Variants in SIGLEC9 observed in about 807,000 individuals in gnomAD.
The protein encoded by SIGLEC9 is sialic acid-binding Ig-like lectin 9.
SIGLEC9 carries 26 observed loss-of-function variants against 38.3 expected under a neutral mutation model. The observed-to-expected ratio is 0.68, with a 90% CI of 0.50 to 0.94. The LOEUF is 0.94. Among genes scored for constraint, SIGLEC9 ranks in the 40% least tolerant of loss-of-function variants. The pLI is 0.00. For missense variants in SIGLEC9, 556 were observed against 585.7 expected (o/e 0.95, Z 0.52); for synonymous variants, 236 against 248.0 (o/e 0.95, Z 0.45).
chr19:51,135,117 G>A (rs2092035660), downstream of SIGLEC9, among the ~76,000 whole-genome samples: 1 of 152,188 alleles, frequency 6.6e-6, no homozygotes, highest in Admixed American at 6.5e-5. Context: ...TATGTTGTTA[G>A]CTGGTTGTTA....
downstream of SIGLEC9, among the ~76,000 whole-genome samples, chr19:51,131,443 G>A (rs374277336): frequency 3.2e-4 from 48 of 151,134 alleles, no homozygotes; most frequent in East Asian, 5.5e-3. Flanking sequence ...AAAATTAGCC[G>A]GGCGTGGTGG....
chr19:51,133,491 C>A (rs2092027817), downstream of SIGLEC9, among the ~76,000 whole-genome samples: 1 of 151,640 alleles, frequency 6.6e-6, no homozygotes, highest in South Asian at 2.1e-4. Flanking sequence ...GAGGCTGAAG[C>A]AGAATTGCTT....
exon 7 of SIGLEC9, chr19:51,136,063 T>C (rs1314649995): frequency 2.8e-6 from 2 of 703,760 alleles, no homozygotes; most frequent in Non-Finnish European, 5.2e-6. Flanking sequence ...CTGAATTCTA[T>C]GTCTATCATT....
At chr19:51,120,581 A>G (rs2091948518), upstream of SIGLEC9, 1 of 152,562 alleles carries the variant, frequency 6.6e-6, no homozygotes, top group South Asian at 2.0e-4. The surrounding 1 kb of genome is among the most constrained non-coding windows in gnomAD (Gnocchi z 4.1). Flanking sequence ...AACCCCACCA[A>G]ATTTCTTCTG....
At chr19:51,120,366 T>C (rs1313785870), upstream of SIGLEC9, 1 of 152,202 alleles carries the variant, frequency 6.6e-6, no homozygotes, top group African/African-American at 2.4e-5. This position sits in a 1 kb window ranked among gnomAD's most constrained non-coding sequence, Gnocchi z 4.1. Context: ...AGGAGCTCTT[T>C]CTCCTCATTC....
chr19:51,128,540 A>G (rs1396362808), intron 6 of SIGLEC9, 30 bp downstream of exon 6: 2 of 1,602,158 alleles, frequency 1.2e-6, no homozygotes, highest in East Asian at 2.2e-5. Context: ...CACAGCCAGC[A>G]TGTAGCCTGG....
intron 6 of SIGLEC9, chr19:51,128,846 A>C (rs1599819322): frequency 7.9e-6 from 2 of 253,728 alleles, no homozygotes; most frequent in South Asian, 4.9e-5. Flanking sequence ...CTGTTCCCCC[A>C]CCCCTCAATA....
At chr19:51,135,715 G>A (rs547913607) in intron 6 of SIGLEC9, among the ~76,000 whole-genome samples, 3 of 152,206 alleles carry the variant, frequency 2.0e-5, no homozygotes, top group East Asian at 1.9e-4. Flanking sequence ...CCAGTGGGCC[G>A]TAGGTTTGGT....
downstream of SIGLEC9, among the ~76,000 whole-genome samples, chr19:51,131,945 G>A (rs2092018027): frequency 6.6e-6 from 1 of 152,054 alleles, no homozygotes; most frequent in Non-Finnish European, 1.5e-5. Flanking sequence ...CCTATGCTAT[G>A]GTTTGGATAT....
chr19:51,123,552 C>A (rs756620714), upstream of SIGLEC9, among the ~76,000 whole-genome samples: 1 of 152,212 alleles, frequency 6.6e-6, no homozygotes. Flanking sequence ...GTATTCACGG[C>A]AACGTGCACA....
At chr19:51,133,870 G>GTT (rs1161428232), downstream of SIGLEC9, among the ~76,000 whole-genome samples, 23 of 152,200 alleles carry the variant, frequency 1.5e-4, no homozygotes, top group African/African-American at 5.5e-4. Context: ...ATGTTTCCAT[G>GTT]TAACGGCATA....
chr19:51,132,470 A>T (rs903467143), downstream of SIGLEC9, among the ~76,000 whole-genome samples: 1 of 152,202 alleles, frequency 6.6e-6, no homozygotes, highest in African/African-American at 2.4e-5. Flanking sequence ...AATGTGTGAT[A>T]AGGAGCGCGG....
At chr19:51,126,050 T>C in intron 2 of SIGLEC9, 31 bp from the exon 3 acceptor site, 1 of 1,611,990 alleles carries the variant, frequency 6.2e-7, no homozygotes, top group Non-Finnish European at 8.5e-7. Context: ...GCCCTCACAG[T>C]GATGCGGGTC....
intron 3 of SIGLEC9, among the ~76,000 whole-genome samples, chr19:51,126,362 C>CACACAGCA (rs1202171910): frequency 6.6e-6 from 1 of 151,808 alleles, no homozygotes; most frequent in East Asian, 1.9e-4. Context: ...GGGTGGCATT[C>CACACAGCA]ACACAGCAGG....
rs1004619036 is a variant in SIGLEC9, at chr19:51,127,202, G to A, written c.921G>A (p.Leu307=). 4.3e-6 allele frequency: 7 copies of A among 1,614,100 alleles called. No individual in the cohort carries two copies. Among genetic ancestry groups the A allele is most frequent in the Non-Finnish European group, 5.9e-6 (7 of 1,180,024 alleles). The change falls in exon 4 of 7, where the codon CTG becomes CTA. Residue 307 remains leucine (L), a synonymous_variant. Transcript: ENST00000250360. ...CCTCAAACCCGGGGGTGCTGGAGCT[G>A]CCTTGGGTGCACCTGAGGGATGCAG... The part of the protein sequence containing the change: ...SQPSNPGVLE[L]PWVHLRDAAE...
rs573020724 is a variant in SIGLEC9, at chr19:51,125,465, G to A, written c.421+70G>A. On this transcript the variant is annotated intron_variant, in intron 1 of 6. Coordinates refer to ENST00000250360, the MANE Select transcript of SIGLEC9 (RefSeq NM_014441.3). ...GGCGGCAGGGAAAGGCTGGGATGGA[G>A]CCCCTGCCCCAGGAGAGGGCTTAGG... The A allele has an allele frequency of 7.7e-4, 1,191 of 1,547,284 alleles. 2 individuals are homozygous for A. Among genetic ancestry groups the A allele is most frequent in the Admixed American group, 2.0e-3 (103 of 50,548 alleles).
upstream of SIGLEC9, among the ~76,000 whole-genome samples, chr19:51,123,962 T>A (rs531710723): frequency 6.6e-6 from 1 of 152,070 alleles, no homozygotes; most frequent in Non-Finnish European, 1.5e-5. Flanking sequence ...GGGGCTGGTG[T>A]CCTCACTCCA....
rs1186309160 is a variant in SIGLEC9 at position 51,129,881 on chromosome 19, C to T, written c.1204-10C>T. The T allele has an allele frequency of 6.4e-7, 1 of 1,561,238 alleles. No individual in the cohort carries two copies. Among genetic ancestry groups the T allele is most frequent in the South Asian group, 1.2e-5 (1 of 83,242 alleles). On this transcript the variant is annotated splice_polypyrimidine_tract_variant and intron_variant, in intron 6 of 6. Transcript: ENST00000250360. ...TCTGCTCTGACTCACTTCTCTCTCC[C>T]ATGTCTCAGGGGCCCCTGACTGAAC...
chr19:51,126,162 GCAGGGC>G (rs2091978213), intron 3 of SIGLEC9, 34 bp downstream of exon 3: 1 of 1,596,262 alleles, frequency 6.3e-7, no homozygotes, highest in African/African-American at 1.3e-5. Flanking sequence ...GGCTGGAGGA[GCAGGGC>G]CTTCAGGTCA....
Sources: allele counts gnomAD v4.1 joint callset (sites outside exome capture counted in the v4.1 genomes callset), GRCh38; gene constraint gnomAD v4.1.1; non-coding constraint Gnocchi (gnomAD v3.1); transcripts MANE v1.5; gene names NCBI Gene and HGNC (gene_info 2026-07-23, HGNC 2026-07-21).